The following ARHGEF4 variants were observed in gnomAD, a reference collection of about 807,000 sequenced individuals.
ARHGEF4 encodes Rho guanine nucleotide exchange factor 4, also known as APC-stimulated guanine nucleotide exchange factor 1.
ARHGEF4 carries 119 observed loss-of-function variants against 162.0 expected under a neutral mutation model. The observed-to-expected ratio is 0.73, with a 90% CI of 0.63 to 0.86. The LOEUF is 0.86. ARHGEF4 is among the 40% of genes least tolerant of loss of function. The pLI is 0.00. For missense variants in ARHGEF4, 2,488 were observed against 2,456.0 expected (o/e 1.01, Z -0.28); for synonymous variants, 1,014 against 979.9 (o/e 1.03, Z -0.65).
At chr2:130,892,460 T>C (rs916333049) in intron 1 of ARHGEF4, among the ~76,000 whole-genome samples, 3 of 152,228 alleles carry the variant, frequency 2.0e-5, no homozygotes, top group Admixed American at 2.0e-4. Context: ...CCTGCGCTTC[T>C]TACCAACTGG....
intron 1 of ARHGEF4, among the ~76,000 whole-genome samples, chr2:130,857,485 G>C (rs1574109217): frequency 3.5e-5 from 1 of 28,838 alleles, no homozygotes; most frequent in Non-Finnish European, 6.0e-5. Context: ...TACAAGCTAA[G>C]ATGAATATTG....
chr2:130,918,957 A>G lies in ARHGEF4; in HGVS notation c.3552+1459A>G, dbSNP rs543762707. On this transcript the variant is annotated intron_variant, in intron 2 of 13. Coordinates refer to ENST00000409359, the MANE Select transcript of ARHGEF4 (RefSeq NM_001367493.1). ...GTCTAATCCCACTCCATGCAAGGAA[A>G]CACTGCCCTATACTAAGGTGTCTCA... 3.7e-4 allele frequency among the ~76,000 whole-genome samples: 56 copies of G among 152,212 alleles called. 1 individual carries two copies. Among genetic ancestry groups the G allele is most frequent in the South Asian group, 1.4e-3 (7 of 4,832 alleles).
chr2:130,875,701 A>G (rs963835481), intron 1 of ARHGEF4, among the ~76,000 whole-genome samples: 4 of 152,174 alleles, frequency 2.6e-5, no homozygotes, highest in African/African-American at 9.7e-5. Flanking sequence ...CTGGGGATCA[A>G]ATTTCCAAGG....
At chr2:130,874,279 G>A (rs1028425420) in intron 1 of ARHGEF4, among the ~76,000 whole-genome samples, 1 of 152,160 alleles carries the variant, frequency 6.6e-6, no homozygotes, top group African/African-American at 2.4e-5. Flanking sequence ...TTATCCTCTT[G>A]TTTCTTCCTC....
At chr2:130,875,132 A>G (rs1678740521) in intron 1 of ARHGEF4, among the ~76,000 whole-genome samples, 1 of 151,924 alleles carries the variant, frequency 6.6e-6, no homozygotes, top group Non-Finnish European at 1.5e-5. Flanking sequence ...TTCCCTTTGT[A>G]TTCTTTTTCT....
chr2:130,958,501 C>A (rs1289117129), intron 4 of ARHGEF4, among the ~76,000 whole-genome samples: 7 of 151,882 alleles, frequency 4.6e-5, no homozygotes, highest in East Asian at 1.9e-4. Context: ...CCTCCGCCCC[C>A]CCGATCCGAG....
chr2:130,889,845 G>A (rs907170982), intron 1 of ARHGEF4, among the ~76,000 whole-genome samples: 2 of 147,174 alleles, frequency 1.4e-5, no homozygotes, highest in African/African-American at 2.5e-5. Flanking sequence ...ACTTGCTATT[G>A]AACGGTATTT....
chr2:131,004,678 G>A (rs1314848961), intron 4 of ARHGEF4, among the ~76,000 whole-genome samples: 5 of 151,950 alleles, frequency 3.3e-5, no homozygotes, highest in Non-Finnish European at 5.9e-5. Context: ...CTAGGGTGTG[G>A]TGTCTCTGTC....
chr2:130,866,224 T>C lies in ARHGEF4; in HGVS notation c.39+29232T>C, dbSNP rs553218206. Among the ~76,000 whole-genome samples, 9 of 152,146 alleles carry C rather than the reference T, an allele frequency of 5.9e-5. No individual in the cohort carries two copies. The East Asian group carries it at 1.7e-3, about 29-fold the overall frequency. ...CATCTCTAGAGACCAAAAAAAAATT[T>C]GTTTTAATAAAATAGCTAGGTGTGG... On this transcript the variant is annotated intron_variant, in intron 1 of 13. Transcript: ENST00000409359.
At chr2:130,958,616 G>T (rs573815717) in intron 4 of ARHGEF4, among the ~76,000 whole-genome samples, 36 of 152,114 alleles carry the variant, frequency 2.4e-4, no homozygotes, top group African/African-American at 8.2e-4. Context: ...CACCATGTTG[G>T]CCAGGCTGGT....
intron 1 of ARHGEF4, among the ~76,000 whole-genome samples, chr2:130,908,179 GC>G (rs1423880823): frequency 2.0e-5 from 3 of 152,134 alleles, no homozygotes; most frequent in Non-Finnish European, 4.4e-5. Context: ...TCCCAGGTTA[GC>G]TGTATTCCTA....
At chr2:130,844,647 A>G (rs966522113) in intron 1 of ARHGEF4, among the ~76,000 whole-genome samples, 1 of 151,338 alleles carries the variant, frequency 6.6e-6, no homozygotes, top group African/African-American at 2.4e-5. Flanking sequence ...AGGTGGGTCC[A>G]CTCTCCCATA....
At chr2:131,041,638 G>C in intron 9 of ARHGEF4, 176 bp downstream of exon 9, 1 of 1,126,892 alleles carries the variant, frequency 8.9e-7, no homozygotes, top group Non-Finnish European at 1.3e-6. Flanking sequence ...AGGATATTAA[G>C]CTCTGCTCTG....
chr2:130,979,750 A>AAC (rs1331281339), intron 4 of ARHGEF4, among the ~76,000 whole-genome samples: 1 of 150,456 alleles, frequency 6.6e-6, no homozygotes, highest in Admixed American at 6.6e-5. Flanking sequence ...AAAAAAAAAA[A>AAC]AAAAAACCTG....
intron 4 of ARHGEF4, among the ~76,000 whole-genome samples, chr2:130,970,591 A>G: frequency 1.5e-4 from 1 of 6,848 alleles, no homozygotes; most frequent in African/African-American, 2.2e-4. Flanking sequence ...CTCCATCAAA[A>G]AAAAAAAAAA....
intron 1 of ARHGEF4, among the ~76,000 whole-genome samples, chr2:130,840,368 C>T (rs1328914287): frequency 1.3e-5 from 2 of 152,174 alleles, no homozygotes; most frequent in East Asian, 1.9e-4. Context: ...ATCTGTCCAC[C>T]GCATTTTCAG....
At chr2:131,045,805 C>G (rs1207965792) in intron 13 of ARHGEF4, 1 of 1,428,158 alleles carries the variant, frequency 7.0e-7, no homozygotes, top group Non-Finnish European at 9.1e-7. Flanking sequence ...TGCCTTTGCA[C>G]AGGCCACCCC....
At chr2:130,899,480 G>A (rs1360152390) in intron 1 of ARHGEF4, among the ~76,000 whole-genome samples, 1 of 152,220 alleles carries the variant, frequency 6.6e-6, no homozygotes, top group Admixed American at 6.5e-5. Flanking sequence ...TGGGAAGGGG[G>A]ATGGCCCGGG....
At position 130,916,849 on chromosome 2, in the gene ARHGEF4, C is replaced by T; in HGVS notation, c.2903C>T (p.Thr968Ile). ...GATGCCGGAAGCCCCAAAAAGCCCA[C>T]CCTAGTGAGTCTGCCTCTAGGACCC... The part of the protein sequence containing the change: ...SKDAGSPKKP[T>I]LVSLPLGPEV... The change falls in exon 2 of 14, where the codon ACC becomes ATC. Residue 968 changes from threonine to isoleucine, a missense_variant. Coordinates refer to ENST00000409359, the MANE Select transcript of ARHGEF4 (RefSeq NM_001367493.1). 6.4e-7 allele frequency: 1 copy of T among 1,550,460 alleles called. No individual in the cohort carries two copies. Among genetic ancestry groups the T allele is most frequent in the Non-Finnish European group, 8.7e-7 (1 of 1,146,982 alleles).
Sources: gnomAD v4.1 joint callset for allele counts (sites outside exome capture counted in the v4.1 genomes callset) on GRCh38, gnomAD v4.1.1 for gene constraint, MANE v1.5 for transcripts, NCBI Gene and HGNC (gene_info 2026-07-23, HGNC 2026-07-21) for gene names.